Variants in STAM observed in about 807,000 individuals in gnomAD.
STAM encodes the protein signal transducing adaptor molecule.
Under a neutral mutation model 63.4 loss-of-function variants are expected in STAM, and 16 were observed. The ratio of observed to expected loss-of-function variants is 0.25; its 90% CI spans 0.17 to 0.38. The LOEUF (loss-of-function observed/expected upper bound fraction) is 0.38, where lower values mean the gene tolerates loss of function less well. Ranked by LOEUF, STAM falls within the 10% of genes least tolerant of loss-of-function variation. The probability of loss-of-function intolerance (pLI) is 1.00; values close to 1 mark genes in which losing one functional copy is unlikely to be tolerated. For synonymous variants in STAM, 238 were observed against 223.9 expected, an observed-to-expected ratio of 1.06 and a Z score of -0.56; for missense variants, 636 against 657.1, an observed-to-expected ratio of 0.97 and a Z score of 0.35.
At chr10:17,695,386 G>A (rs1032949573) in intron 7 of STAM, 145 bp downstream of exon 7, 2 of 670,390 alleles carry the variant, frequency 3.0e-6, no homozygotes, top group East Asian at 6.0e-5. Flanking sequence ...TGATTTGCTT[G>A]TGTTATACTG....
chr10:17,704,731 A>G (rs1554828994), intron 10 of STAM, among the ~76,000 whole-genome samples: 1 of 152,240 alleles, frequency 6.6e-6, no homozygotes, highest in Non-Finnish European at 1.5e-5. Context: ...TCAACATTTT[A>G]GAACCTGGTA....
rs1394384876 is a variant in STAM, at chr10:17,666,632, T to C, written c.125+6084T>C. On this transcript the variant is annotated intron_variant, in intron 2 of 13. Coordinates refer to ENST00000377524, the MANE Select transcript of STAM (RefSeq NM_003473.4). The stretch of plus-strand genomic sequence containing the variant: ...CAGGATGGTCTCGATATCCTGACCT[T>C]GTGATCTGCCCGCCTTGGCCTCCCA... Among the ~76,000 whole-genome samples, 8 of 152,122 alleles carry C rather than the reference T, an allele frequency of 5.3e-5. No individual in the cohort carries two copies. In the East Asian group the frequency reaches 9.7e-4, roughly 18 times the overall value.
Position 17,660,545 on chromosome 10 carries a change from C to A in STAM, c.122C>A (p.Thr41Asn). Residue 41 changes from threonine (T) to asparagine (N), a missense_variant, in exon 2 of 14, where the codon ACT becomes AAT. Transcript: ENST00000377524. ...TGTGATAAAGTTGGTCAGTCTCGCACTGGGTAAGTATTTAGCGTTTCAAAG... is the reference window on the plus strand; with the variant it reads ...TGTGATAAAGTTGGTCAGTCTCGCAATGGGTAAGTATTTAGCGTTTCAAAG... ...DICDKVGQSR[T>N]GPKDCLRSIM... 1 of 1,596,244 alleles carries A rather than the reference C, an allele frequency of 6.3e-7. No individual in the cohort carries two copies. Among genetic ancestry groups the A allele is most frequent in the Non-Finnish European group, 8.5e-7 (1 of 1,170,856 alleles).
At position 17,714,999 on chromosome 10, in the gene STAM, A is replaced by C. The variant is rs1296775513; in HGVS notation, c.*219A>C. ...GCAGAGGAATGAAACTACTTACAAC[A>C]TTTAATTCCTTTCATAATATGAAAG... On this transcript the variant is annotated 3_prime_UTR_variant, in exon 14 of 14. Transcript: ENST00000377524. The C allele has an allele frequency of 2.4e-5, 13 of 539,820 alleles. No individual in the cohort carries two copies. In the East Asian group the frequency reaches 3.8e-4, roughly 16 times the overall value. The allele number at this position is 539,820 out of a possible 1,614,324, so 33.4% of individuals were successfully genotyped here. A position where few individuals can be genotyped will look rare whatever the true frequency, so the allele number is the denominator to read the frequency against.
At chr10:17,700,339 C>T (rs1835937876) in intron 9 of STAM, 60 bp downstream of exon 9, 2 of 1,347,640 alleles carry the variant, frequency 1.5e-6, no homozygotes, top group East Asian at 2.5e-5. Flanking sequence ...AATGGTTTTG[C>T]TTTAAGAAAA....
chr10:17,702,141 T>C (rs1204366441), intron 9 of STAM, among the ~76,000 whole-genome samples: 2 of 152,162 alleles, frequency 1.3e-5, no homozygotes, highest in Non-Finnish European at 2.9e-5. Context: ...CCTGGCTCAT[T>C]TTACTTTTCA....
At chr10:17,647,104 A>AT (rs879976284) in intron 1 of STAM, among the ~76,000 whole-genome samples, 15 of 152,082 alleles carry the variant, frequency 9.9e-5, no homozygotes, top group African/African-American at 1.9e-4. Flanking sequence ...TTTTTGTTTG[A>AT]TTTTTTCACT....
chr10:17,659,762 C>G (rs1834089812), intron 1 of STAM, among the ~76,000 whole-genome samples: 1 of 152,070 alleles, frequency 6.6e-6, no homozygotes, highest in Admixed American at 6.6e-5. Context: ...CCTGCCTAGC[C>G]TCTAATGCTG....
chr10:17,711,553 G>C (rs981396882), intron 13 of STAM, among the ~76,000 whole-genome samples: 1 of 152,150 alleles, frequency 6.6e-6, no homozygotes, highest in South Asian at 2.1e-4. Context: ...GGAGCCTCAG[G>C]GTTTGAGGAA....
chr10:17,703,589 A>T (rs4748403), intron 9 of STAM, among the ~76,000 whole-genome samples: 11,359 of 152,214 alleles, frequency 0.075, 448 homozygotes, highest in Middle Eastern at 0.13. Flanking sequence ...TAAAAAACAT[A>T]AATACATATA....
chr10:17,680,378 A>G (rs561918694), intron 2 of STAM, among the ~76,000 whole-genome samples: 35 of 151,796 alleles, frequency 2.3e-4, no homozygotes, highest in African/African-American at 8.5e-4. Context: ...GCCCCCTGGC[A>G]ACCACCATTC....
chr10:17,653,877 T>C (rs1374920224), intron 1 of STAM, among the ~76,000 whole-genome samples: 3 of 152,194 alleles, frequency 2.0e-5, no homozygotes, highest in African/African-American at 7.2e-5. Context: ...CGTATCTCTA[T>C]TGGCTGGTCC....
intron 13 of STAM, among the ~76,000 whole-genome samples, chr10:17,712,446 TCAC>T (rs1441032622): frequency 7.9e-5 from 12 of 152,306 alleles, no homozygotes; most frequent in African/African-American, 2.9e-4. Flanking sequence ...ATGCCTTAGG[TCAC>T]CACATTAGTT....
intron 1 of STAM, among the ~76,000 whole-genome samples, chr10:17,646,839 A>G (rs146687163): frequency 3.8e-4 from 58 of 152,352 alleles, no homozygotes; most frequent in Middle Eastern, 3.4e-3. Context: ...TTCTTTCACC[A>G]TATCTACCAA....
At chr10:17,708,722 A>T in intron 12 of STAM, 54 bp from the exon 13 acceptor site, 1 of 1,512,942 alleles carries the variant, frequency 6.6e-7, no homozygotes, top group Non-Finnish European at 9.0e-7. Flanking sequence ...GAGAAAGTTC[A>T]GTATGCTTAT....
At chr10:17,680,363 C>T (rs1193609551) in intron 2 of STAM, among the ~76,000 whole-genome samples, 1 of 151,932 alleles carries the variant, frequency 6.6e-6, no homozygotes, top group Non-Finnish European at 1.5e-5. Context: ...TTCGCTGCTC[C>T]CCAGGCCCCC....
intron 1 of STAM, among the ~76,000 whole-genome samples, chr10:17,658,799 T>G (rs1834046405): frequency 6.6e-6 from 1 of 152,220 alleles, no homozygotes; most frequent in Admixed American, 6.5e-5. Flanking sequence ...ATCCTTTAAC[T>G]TTTAATCTCT....
chr10:17,684,902 G>C lies in STAM; in HGVS notation c.272G>C (p.Ser91Thr), dbSNP rs1835232234. ...HLEVCSRDFA[S>T]EVSNVLNKGH... ...GAAGTATGTTCAAGAGATTTTGCTA[G>C]TGAAGTAAGCAACGTATTAAATAAG... Residue 91 changes from serine to threonine, a missense_variant, in exon 4 of 14, where the codon AGT becomes ACT. Ser to Thr is a moderately conservative substitution (Grantham distance 58). Around this residue, in one of 3 missense-constraint regions of STAM, gnomAD observed 17 missense variants for 39.9 expected, o/e 0.43. Transcript: ENST00000377524. 1 of 1,613,818 alleles carries C rather than the reference G, an allele frequency of 6.2e-7. No individual in the cohort carries two copies. Among genetic ancestry groups the C allele is most frequent in the African/African-American group, 1.3e-5 (1 of 74,930 alleles).
At chr10:17,700,071 C>T (rs757247069) in intron 8 of STAM, 120 bp from the exon 9 acceptor site, 55 of 641,348 alleles carry the variant, frequency 8.6e-5, no homozygotes, top group Non-Finnish European at 1.2e-4. Flanking sequence ...TCTTAAATTG[C>T]GCCTTTTAGC....
Sources: gnomAD v4.1 joint callset for allele counts (sites outside exome capture counted in the v4.1 genomes callset) on GRCh38, gnomAD v4.1.1 for gene constraint, gnomAD v4.1.1 regional missense constraint, MANE v1.5 for transcripts, NCBI Gene and HGNC (gene_info 2026-07-23, HGNC 2026-07-21) for gene names.